OR1F1: variants seen among roughly 807,000 people sequenced by gnomAD.
The protein encoded by OR1F1 is olfactory receptor 1F1.
For missense variants in OR1F1, 493 were observed against 376.3 expected (o/e 1.31, Z -2.57); for synonymous variants, 184 against 156.7 (o/e 1.17, Z -1.30).
At chr16:3,195,893 G>C in the OR1F1 span, among the ~76,000 whole-genome samples, 4 of 152,144 alleles carry the variant, frequency 2.6e-5, no homozygotes, top group African/African-American at 9.7e-5. Flanking sequence ...GAGAACATAG[G>C]GTGGGATGTA....
At chr16:3,204,533 G>A (rs759679524) in exon 1 of OR1F1, 1 of 1,614,138 alleles carries the variant, frequency 6.2e-7, no homozygotes, top group East Asian at 2.2e-5. Flanking sequence ...TCCTTCTGTG[G>A]CTGTCTCACA....
At chr16:3,188,621 C>A in the OR1F1 span, 2 of 152,114 alleles carry the variant, frequency 1.3e-5, no homozygotes, top group Non-Finnish European at 2.9e-5. Flanking sequence ...TCGGCCCTGG[C>A]GGGGTGGGGG....
At chr16:3,194,301 T>C in the OR1F1 span, among the ~76,000 whole-genome samples, 1 of 152,224 alleles carries the variant, frequency 6.6e-6, no homozygotes, top group African/African-American at 2.4e-5. Context: ...TTGGTTTGTC[T>C]TTCTGTTTTA....
chr16:3,199,626 G>T (rs772311155), upstream of OR1F1, among the ~76,000 whole-genome samples: 1 of 152,100 alleles, frequency 6.6e-6, no homozygotes, highest in East Asian at 1.9e-4. Flanking sequence ...TGATACCTTG[G>T]TTTATGTATT....
At chr16:3,195,523 T>C in the OR1F1 span, among the ~76,000 whole-genome samples, 1 of 151,566 alleles carries the variant, frequency 6.6e-6, no homozygotes, top group East Asian at 1.9e-4. Flanking sequence ...CTACTAAAAA[T>C]ACAAAAATAT....
chr16:3,193,202 T>G, the OR1F1 span, among the ~76,000 whole-genome samples: 1 of 152,186 alleles, frequency 6.6e-6, no homozygotes, highest in African/African-American at 2.4e-5. Context: ...CTGAGATTAC[T>G]GGCGCGAGCC....
At chr16:3,205,783 C>A (rs929377729), downstream of OR1F1, among the ~76,000 whole-genome samples, 1 of 152,098 alleles carries the variant, frequency 6.6e-6, no homozygotes, top group African/African-American at 2.4e-5. Flanking sequence ...TCTCTTAATC[C>A]TGTTATCTTC....
chr16:3,200,433 T>G (rs1958123814), upstream of OR1F1, among the ~76,000 whole-genome samples: 1 of 151,788 alleles, frequency 6.6e-6, no homozygotes, highest in Non-Finnish European at 1.5e-5. Flanking sequence ...ATGGTGAAAC[T>G]CTGTCTCTAC....
chr16:3,196,904 T>C, the OR1F1 span, among the ~76,000 whole-genome samples: 14 of 150,066 alleles, frequency 9.3e-5, no homozygotes, highest in Non-Finnish European at 1.5e-5. Context: ...TGAGACAGAG[T>C]CTCACTCTGT....
the OR1F1 span, among the ~76,000 whole-genome samples, chr16:3,191,867 C>G: frequency 6.6e-6 from 1 of 152,204 alleles, no homozygotes; most frequent in South Asian, 2.1e-4. Flanking sequence ...GGGGCCGGGG[C>G]GCTGGCCCAC....
the OR1F1 span, among the ~76,000 whole-genome samples, chr16:3,191,970 G>A: frequency 1.3e-5 from 2 of 152,200 alleles, no homozygotes; most frequent in Non-Finnish European, 2.9e-5. Flanking sequence ...ACAAAGAAAA[G>A]TAAAGGGCCT....
chr16:3,189,661 C>G, the OR1F1 span: 1 of 152,120 alleles, frequency 6.6e-6, no homozygotes, highest in African/African-American at 2.4e-5. Flanking sequence ...GTATGATTCT[C>G]GCTTAGGGTG....
At chr16:3,198,768 A>T in the OR1F1 span, among the ~76,000 whole-genome samples, 1 of 151,956 alleles carries the variant, frequency 6.6e-6, no homozygotes, top group African/African-American at 2.4e-5. Flanking sequence ...CAGGAGGATC[A>T]CTTAAGCCCA....
upstream of OR1F1, among the ~76,000 whole-genome samples, chr16:3,202,930 T>C (rs1464275169): frequency 6.6e-6 from 1 of 152,118 alleles, no homozygotes; most frequent in Non-Finnish European, 1.5e-5. Flanking sequence ...GATCTGGAAA[T>C]TGAGTGCTGG....
the OR1F1 span, among the ~76,000 whole-genome samples, chr16:3,196,917 A>ATTT: frequency 1.3e-5 from 2 of 149,746 alleles, no homozygotes; most frequent in Admixed American, 1.3e-4. Flanking sequence ...CACTCTGTTG[A>ATTT]CCAGGCTGGA....
the OR1F1 span, among the ~76,000 whole-genome samples, chr16:3,198,633 G>T: frequency 6.6e-6 from 1 of 152,298 alleles, no homozygotes; most frequent in South Asian, 2.1e-4. Context: ...AGGTGAAAGG[G>T]TAGTGGCGAG....
At chr16:3,191,063 C>T in the OR1F1 span, among the ~76,000 whole-genome samples, 1 of 152,194 alleles carries the variant, frequency 6.6e-6, no homozygotes, top group East Asian at 1.9e-4. Flanking sequence ...GCGAGGACTT[C>T]TGTGAGCTCC....
the OR1F1 span, among the ~76,000 whole-genome samples, chr16:3,192,200 G>C: frequency 6.6e-6 from 1 of 152,168 alleles, no homozygotes; most frequent in South Asian, 2.1e-4. Flanking sequence ...GGGACTACAG[G>C]TGCCCGCCAC....
chr16:3,189,080 T>G, the OR1F1 span, among the ~76,000 whole-genome samples: 1 of 152,022 alleles, frequency 6.6e-6, no homozygotes, highest in African/African-American at 2.4e-5. Flanking sequence ...GAGGCCCACG[T>G]GGGAAACTCG....
Sources: allele counts gnomAD v4.1 joint callset (sites outside exome capture counted in the v4.1 genomes callset), GRCh38; gene constraint gnomAD v4.1.1; transcripts MANE v1.5; gene names NCBI Gene and HGNC (gene_info 2026-07-23, HGNC 2026-07-21).